The following CSMD3 variants were observed in gnomAD, a reference collection of about 807,000 sequenced individuals.
CSMD3 encodes CUB and sushi domain-containing protein 3.
A neutral mutation model predicts 435.2 loss-of-function variants in CSMD3; 177 were observed. The ratio of observed to expected loss-of-function variants is 0.41; its 90% CI spans 0.36 to 0.46. CSMD3 has a LOEUF of 0.46. Among genes scored for constraint, CSMD3 ranks in the 20% least tolerant of loss-of-function variants. The pLI is 0.34. For synonymous variants in CSMD3, 1,656 were observed against 1,520.5 expected, an observed-to-expected ratio of 1.09 and a Z score of -2.07; for missense variants, 4,265 against 4,504.6, an observed-to-expected ratio of 0.95 and a Z score of 1.52.
intron 13 of CSMD3, among the ~76,000 whole-genome samples, chr8:112,756,256 A>G (rs1200230684): frequency 1.3e-5 from 2 of 152,282 alleles, no homozygotes; most frequent in East Asian, 3.9e-4. Flanking sequence ...AGAACATCTC[A>G]TTAAACTTGC....
chr8:113,327,582 C>CCAG (rs2093992645), intron 1 of CSMD3, among the ~76,000 whole-genome samples: 1 of 152,094 alleles, frequency 6.6e-6, no homozygotes, highest in Non-Finnish European at 1.5e-5. Context: ...AAACAGCCTC[C>CCAG]CAGCAATCAG....
At chr8:113,321,251 C>T (rs749652761) in intron 1 of CSMD3, among the ~76,000 whole-genome samples, 8 of 152,096 alleles carry the variant, frequency 5.3e-5, no homozygotes, top group Non-Finnish European at 1.2e-4. Context: ...GTTCATACTT[C>T]TCTCCATGTA....
intron 3 of CSMD3, among the ~76,000 whole-genome samples, chr8:113,257,580 G>T (rs915267450): frequency 2.0e-5 from 3 of 152,062 alleles, no homozygotes; most frequent in Non-Finnish European, 4.4e-5. Context: ...AGTATCCTTT[G>T]TAATATCCTT....
chr8:112,956,277 T>A (rs2130841386), intron 7 of CSMD3, among the ~76,000 whole-genome samples: 1 of 152,130 alleles, frequency 6.6e-6, no homozygotes, highest in Non-Finnish European at 1.5e-5. Context: ...CCCTCCCAAG[T>A]GACGCTTTTT....
intron 13 of CSMD3, among the ~76,000 whole-genome samples, chr8:112,781,184 G>C (rs755866284): frequency 6.6e-6 from 1 of 151,948 alleles, no homozygotes; most frequent in Non-Finnish European, 1.5e-5. Context: ...CTGGCCAGAA[G>C]GAAAGCACTT....
At chr8:112,434,263 C>A (rs537397111) in intron 32 of CSMD3, among the ~76,000 whole-genome samples, 12 of 152,182 alleles carry the variant, frequency 7.9e-5, no homozygotes, top group Admixed American at 1.3e-4. Context: ...TAAGATAATG[C>A]AAACCCCTGG....
chr8:112,534,436 T>A lies in CSMD3; in HGVS notation c.4564+16235A>T, dbSNP rs548426564. Among the ~76,000 whole-genome samples, 420 of 152,020 alleles carry A rather than the reference T, an allele frequency of 2.8e-3. 2 individuals carry two copies. Among genetic ancestry groups the A allele is most frequent in the African/African-American group, 9.6e-3 (399 of 41,460 alleles). The stretch of plus-strand genomic sequence containing the variant: ...AATAAACTAGAAAATCTAGAAGAAA[T>A]GGATAAATTCCTCGACACATACACT... On this transcript the variant is annotated intron_variant, in intron 27 of 70. Coordinates refer to ENST00000297405, the MANE Select transcript of CSMD3 (RefSeq NM_198123.2).
intron 5 of CSMD3, among the ~76,000 whole-genome samples, chr8:113,061,283 T>C (rs1285223060): frequency 1.3e-5 from 2 of 152,164 alleles, no homozygotes; most frequent in Non-Finnish European, 2.9e-5. Flanking sequence ...AGGGTTCTGC[T>C]ATATAGGAAA....
At chr8:112,460,164 G>T (rs1231261675) in intron 32 of CSMD3, among the ~76,000 whole-genome samples, 1 of 151,942 alleles carries the variant, frequency 6.6e-6, no homozygotes, top group Non-Finnish European at 1.5e-5. Context: ...TGATCTCCTA[G>T]AGGGCAGGAA....
intron 2 of CSMD3, among the ~76,000 whole-genome samples, chr8:113,299,028 C>G (rs111974055): frequency 6.6e-6 from 1 of 152,188 alleles, no homozygotes; most frequent in African/African-American, 2.4e-5. Flanking sequence ...TGTATTTCTT[C>G]TGGTAAAGAA....
intron 10 of CSMD3, among the ~76,000 whole-genome samples, chr8:112,920,099 A>G (rs979020561): frequency 6.6e-6 from 1 of 151,942 alleles, no homozygotes; most frequent in African/African-American, 2.4e-5. Context: ...CCAGTACGAC[A>G]TGATGAGGTA....
In CSMD3 at chr8:112,380,411, T is replaced by C. The variant is rs1304194551; in HGVS notation, c.6077A>G (p.Tyr2026Cys). The C allele has an allele frequency of 3.1e-6, 5 of 1,602,860 alleles. No homozygotes were observed. The highest frequency in any genetic ancestry group is 1.7e-4 in the Middle Eastern group (1 of 6,046). ...HLLNSTSNNL[Y>C]LNFQSDISVS... is the part of the protein sequence containing the mutation. The stretch of plus-strand genomic sequence containing the variant: ...ACTGATGTCTGATTGAAAATTTAGA[T>C]ACAGATTATTAGACGTACTATTCAA... Residue 2026 changes from tyrosine to cysteine, a missense_variant, in exon 38 of 71, where the codon TAT becomes TGT. Physicochemically the swap from Tyr to Cys is radical, Grantham distance 194. Coordinates refer to ENST00000297405, the MANE Select transcript of CSMD3 (RefSeq NM_198123.2).
chr8:113,243,077 TTTTC>T (rs1315350977), intron 3 of CSMD3, among the ~76,000 whole-genome samples: 13 of 151,872 alleles, frequency 8.6e-5, no homozygotes, highest in African/African-American at 2.9e-4. Flanking sequence ...TATCTTTTGA[TTTTC>T]TTTGTTTTTA....
At chr8:112,551,405 T>A (rs550841787) in intron 26 of CSMD3, among the ~76,000 whole-genome samples, 1 of 152,216 alleles carries the variant, frequency 6.6e-6, no homozygotes, top group South Asian at 2.1e-4. Context: ...ATCTATTCTG[T>A]TTTAAGTTTA....
chr8:112,392,276 C>A (rs1830480176), intron 35 of CSMD3, among the ~76,000 whole-genome samples: 1 of 137,620 alleles, frequency 7.3e-6, no homozygotes, highest in South Asian at 2.3e-4. Flanking sequence ...AGTTTTGTGC[C>A]ACTTCCAAAG....
Position 112,234,441 on chromosome 8 carries a change from C to T in CSMD3, c.10664G>A (p.Arg3555His), listed in dbSNP as rs754753189. The change falls in exon 68 of 71, where the codon CGC (arginine) becomes CAC (histidine). Residue 3555 changes from arginine to histidine, a missense_variant. Arg to His is a conservative substitution (Grantham distance 29, BLOSUM62 0). Coordinates refer to ENST00000297405, the MANE Select transcript of CSMD3 (RefSeq NM_198123.2). ...YKSQEARLML[R>H]IYLIKVPAHA... ...AGCAGGTACTTTAATAAGATATATG[C>T]GTAACATTAGGCGAGCTTCCTGGCT... 3.7e-5 allele frequency: 59 copies of T among 1,613,090 alleles called. No individual in the cohort carries two copies. Among genetic ancestry groups the T allele is most frequent in the South Asian group, 2.5e-4 (23 of 91,052 alleles).
chr8:113,076,620 C>T (rs1445241501), intron 5 of CSMD3, among the ~76,000 whole-genome samples: 2 of 152,090 alleles, frequency 1.3e-5, no homozygotes, highest in Middle Eastern at 3.4e-3. Context: ...TATTAGAATG[C>T]TTTTTCTTCA....
At chr8:113,147,530 G>T (rs2091704607) in intron 4 of CSMD3, among the ~76,000 whole-genome samples, 1 of 151,518 alleles carries the variant, frequency 6.6e-6, no homozygotes, top group Admixed American at 6.6e-5. Context: ...CAGCGCTTTT[G>T]GATGTGGTTC....
At chr8:112,411,848 C>T (rs1811386489) in intron 32 of CSMD3, among the ~76,000 whole-genome samples, 1 of 151,966 alleles carries the variant, frequency 6.6e-6, no homozygotes. Flanking sequence ...GAAAGTGATG[C>T]AAGGAAAATG....
Sources: gnomAD v4.1 joint callset for allele counts (sites outside exome capture counted in the v4.1 genomes callset) on GRCh38, gnomAD v4.1.1 for gene constraint, MANE v1.5 for transcripts, NCBI Gene and HGNC (gene_info 2026-07-23, HGNC 2026-07-21) for gene names.